JMJD1C: variants seen among roughly 807,000 people sequenced by gnomAD.
JMJD1C encodes jumonji domain containing 1C.
Under a neutral mutation model 245.3 loss-of-function variants are expected in JMJD1C, and 31 were observed. That is an observed-to-expected ratio of 0.13 (90% CI 0.09 to 0.17). The LOEUF (loss-of-function observed/expected upper bound fraction) is 0.17. Ranked by LOEUF, JMJD1C falls within the 10% of genes least tolerant of loss-of-function variation. JMJD1C has a pLI of 1.00. For synonymous variants in JMJD1C, 1,057 were observed against 1,017.4 expected (o/e 1.04, Z -0.74); for missense variants, 2,691 against 3,000.2 (o/e 0.90, Z 2.41).
At chr10:63,397,873 G>A (rs1008599962) in intron 1 of JMJD1C, among the ~76,000 whole-genome samples, 2 of 152,128 alleles carry the variant, frequency 1.3e-5, no homozygotes, top group African/African-American at 4.8e-5. Flanking sequence ...ATAAGAGAGT[G>A]AAAGTTACAA....
intron 3 of JMJD1C, among the ~76,000 whole-genome samples, chr10:63,256,778 G>C (rs1853989996): frequency 6.6e-6 from 1 of 152,048 alleles, no homozygotes; most frequent in Non-Finnish European, 1.5e-5. Context: ...TGCCACAACT[G>C]TTCTCATTTT....
chr10:63,380,132 T>G, intron 2 of JMJD1C, 186 bp downstream of exon 2: 3 of 477,254 alleles, frequency 6.3e-6, no homozygotes, highest in Non-Finnish European at 1.1e-5. Flanking sequence ...TTGGTAGAGA[T>G]GGGGTCTCGC....
intron 3 of JMJD1C, among the ~76,000 whole-genome samples, chr10:63,231,215 T>A (rs1849949141): frequency 1.3e-5 from 2 of 152,222 alleles, no homozygotes; most frequent in Non-Finnish European, 2.9e-5. Flanking sequence ...AGTACAGGAT[T>A]CACTCAACTG....
intron 2 of JMJD1C, among the ~76,000 whole-genome samples, chr10:63,295,106 G>C (rs751955148): frequency 6.6e-6 from 1 of 151,794 alleles, no homozygotes; most frequent in Non-Finnish European, 1.5e-5. Flanking sequence ...TTTTTGTTTT[G>C]AGTGAGGATC....
intron 20 of JMJD1C, 40 bp downstream of exon 20, chr10:63,185,523 G>A (rs202076128): frequency 1.8e-6 from 2 of 1,135,584 alleles, no homozygotes; most frequent in East Asian, 2.3e-5. Context: ...GTCTTAGCTC[G>A]ATCTCAAAAA....
At chr10:63,327,651 T>C (rs1022802230) in intron 2 of JMJD1C, among the ~76,000 whole-genome samples, 2 of 150,030 alleles carry the variant, frequency 1.3e-5, no homozygotes, top group African/African-American at 4.9e-5. Flanking sequence ...AAGGATACTG[T>C]ATCAAGGGTA....
intron 10 of JMJD1C, chr10:63,202,857 G>A (rs989279493): frequency 6.1e-6 from 6 of 978,062 alleles, no homozygotes. Flanking sequence ...ATTTTTATTT[G>A]GAACACTTGC....
chr10:63,277,984 C>A (rs1856985115), intron 2 of JMJD1C, among the ~76,000 whole-genome samples: 1 of 151,792 alleles, frequency 6.6e-6, no homozygotes, highest in African/African-American at 2.4e-5. Flanking sequence ...CTGCCCACCT[C>A]GACCTCCCAA....
At chr10:63,401,888 A>G (rs2132591660) in intron 1 of JMJD1C, among the ~76,000 whole-genome samples, 1 of 152,220 alleles carries the variant, frequency 6.6e-6, no homozygotes, top group South Asian at 2.1e-4. Flanking sequence ...TAATCCCAAC[A>G]CTTTGGGAGG....
Position 63,189,186 on chromosome 10 carries a change from T to G in JMJD1C, c.6552A>C (p.Glu2184Asp). ...KNSSNWKLFK[E>D]CWKQGQPAVV... ...TACACACCTGTCCTTGTTTCCAACA[T>G]TCTTTGAAAAGCTTCCAATTACTGC... The change falls in exon 18 of 26, where the codon GAA (glutamate) becomes GAC (aspartate). Residue 2184 changes from glutamate to aspartate, a missense_variant. Glu to Asp is a conservative substitution (Grantham distance 45, BLOSUM62 2). Coordinates refer to ENST00000399262, the MANE Select transcript of JMJD1C (RefSeq NM_032776.3). The G allele has an allele frequency of 6.2e-7, 1 of 1,609,200 alleles. No individual in the cohort carries two copies. The highest frequency in any genetic ancestry group is 1.1e-5 in the South Asian group (1 of 90,394).
intron 2 of JMJD1C, among the ~76,000 whole-genome samples, chr10:63,354,602 T>C (rs1944648863): frequency 6.6e-6 from 1 of 151,968 alleles, no homozygotes; most frequent in Non-Finnish European, 1.5e-5. Context: ...AAAAATACCT[T>C]TTCTATTTTA....
At chr10:63,326,618 G>C (rs918493386) in intron 2 of JMJD1C, among the ~76,000 whole-genome samples, 1 of 151,882 alleles carries the variant, frequency 6.6e-6, no homozygotes, top group African/African-American at 2.4e-5. Context: ...AGTGGCTCAC[G>C]CGTGTAATCC....
At chr10:63,486,608 A>C (rs1954009744) in intron 1 of JMJD1C, among the ~76,000 whole-genome samples, 1 of 152,140 alleles carries the variant, frequency 6.6e-6, no homozygotes, top group Admixed American at 6.5e-5. Flanking sequence ...TCTCATCTAA[A>C]AAAACAACAA....
chr10:63,179,863 A>C (rs1843263927), intron 22 of JMJD1C, among the ~76,000 whole-genome samples: 1 of 152,182 alleles, frequency 6.6e-6, no homozygotes. Context: ...AAACTCAGAA[A>C]GTCAAATATG....
chr10:63,225,164 A>T (rs960229579), intron 3 of JMJD1C, among the ~76,000 whole-genome samples: 6 of 152,186 alleles, frequency 3.9e-5, no homozygotes, highest in African/African-American at 1.4e-4. Flanking sequence ...TATCTTGAAT[A>T]ACTAATACCT....
rs1949678731 is a variant in JMJD1C at position 63,414,341 on chromosome 10, TTAG to T, written c.169-33862_169-33860del. Among the ~76,000 whole-genome samples the T allele has an allele frequency of 8.5e-5, 13 of 152,276 alleles. No homozygotes were observed. In the South Asian group the frequency reaches 2.7e-3, roughly 32 times the overall value. ...AGAAAACTGAATCTACTAAACATTC[TTAG>T]TAAACAGTTTCTCTTTTTTTAACCT... On this transcript the variant is annotated intron_variant, in intron 1 of 25. Coordinates refer to ENST00000399262, the MANE Select transcript of JMJD1C (RefSeq NM_032776.3).
intron 1 of JMJD1C, among the ~76,000 whole-genome samples, chr10:63,415,798 C>T (rs746272301): frequency 6.6e-6 from 1 of 152,188 alleles, no homozygotes; most frequent in Non-Finnish European, 1.5e-5. Flanking sequence ...AAATAAGCAC[C>T]TGCAGAAAAA....
chr10:63,292,904 C>T (rs760302985), intron 2 of JMJD1C, among the ~76,000 whole-genome samples: 2 of 151,874 alleles, frequency 1.3e-5, no homozygotes, highest in African/African-American at 2.4e-5. Flanking sequence ...CTTAGCTGGG[C>T]GTGGTGGTGC....
chr10:63,283,274 T>C (rs1340430711), intron 2 of JMJD1C, among the ~76,000 whole-genome samples: 1 of 152,172 alleles, frequency 6.6e-6, no homozygotes. Context: ...AACTTCTTTG[T>C]AGCAGTGTTT....
Sources: gnomAD v4.1 joint callset for allele counts (sites outside exome capture counted in the v4.1 genomes callset) on GRCh38, gnomAD v4.1.1 for gene constraint, MANE v1.5 for transcripts, NCBI Gene and HGNC (gene_info 2026-07-23, HGNC 2026-07-21) for gene names.